The following PWWP3B variants were observed in gnomAD, a reference collection of about 807,000 sequenced individuals.
PWWP3B encodes PWWP domain-containing DNA repair factor 3B.
Under a neutral mutation model 15.7 loss-of-function variants are expected in PWWP3B, and 5 were observed. That is an observed-to-expected ratio of 0.32 (90% CI 0.17 to 0.67). The LOEUF (loss-of-function observed/expected upper bound fraction) is 0.67. Among genes scored for constraint, PWWP3B ranks in the 30% least tolerant of loss-of-function variants. The pLI is 0.74. For missense variants in PWWP3B, 519 were observed against 493.1 expected (o/e 1.05, Z -0.50); for synonymous variants, 203 against 179.8 (o/e 1.13, Z -1.03).
chrX:106,187,317 TTTTATTCCTTTAAAAAATGTTTCCCA>T (rs1251121908), intron 2 of PWWP3B, among the ~76,000 whole-genome samples: 1 of 112,014 alleles, frequency 8.9e-6, no homozygotes, highest in African/African-American at 3.2e-5. Context: ...CTTGTTTCCA[TTTTATTCCTTTAAAAAATGTTTCCCA>T]TTCCATCATC....
At chrX:106,190,991 T>A (rs1360229136) in intron 2 of PWWP3B, among the ~76,000 whole-genome samples, 1 of 111,427 alleles carries the variant, frequency 9.0e-6, no homozygotes, top group Non-Finnish European at 1.9e-5. Flanking sequence ...TGCCTCCAGC[T>A]TTGTTCTTTT....
chrX:106,178,885 G>A (rs1290535376), intron 2 of PWWP3B, among the ~76,000 whole-genome samples: 1 of 111,303 alleles, frequency 9.0e-6, no homozygotes, highest in Admixed American at 9.6e-5. Flanking sequence ...TCTGCAATCC[G>A]ACCATTGGAG....
At chrX:106,201,241 A>G (rs1021229968) in intron 2 of PWWP3B, among the ~76,000 whole-genome samples, 27 of 111,709 alleles carry the variant, frequency 2.4e-4, no homozygotes, top group Non-Finnish European at 4.9e-4. Flanking sequence ...ATAAAAGTAG[A>G]GACGTACCAT....
intron 2 of PWWP3B, among the ~76,000 whole-genome samples, chrX:106,185,055 G>T (rs1226791117): frequency 3.6e-5 from 4 of 111,955 alleles, no homozygotes; most frequent in South Asian, 3.8e-4. Flanking sequence ...TCAATGAAAA[G>T]AAAGCTTGGG....
chrX:106,206,890 G>C lies in PWWP3B; in HGVS notation c.1458G>C (p.Thr486=). The C allele has an allele frequency of 8.3e-7, 1 of 1,210,693 alleles. No homozygotes were observed. Among genetic ancestry groups the C allele is most frequent in the Non-Finnish European group, 1.1e-6 (1 of 895,049 alleles). The change falls in exon 4 of 4, where the codon ACG becomes ACC. Residue 486 remains threonine, a synonymous_variant. Transcript: ENST00000357175. ...YRVRIGCGSF[T]GSLLEYYAAD... ...TTAGAATAGGTTGTGGTTCTTTCAC[G>C]GGCTCTTTGCTTGAGTATTATGCTG... is the stretch of plus-strand genomic sequence containing the variant.
intron 2 of PWWP3B, among the ~76,000 whole-genome samples, chrX:106,201,987 A>G (rs1367544784): frequency 2.7e-5 from 3 of 112,002 alleles, no homozygotes; most frequent in African/African-American, 9.7e-5. Context: ...ACAGCCTCTA[A>G]ATTAAGGCTT....
intron 3 of PWWP3B, among the ~76,000 whole-genome samples, 161 bp from the exon 4 acceptor site, chrX:106,205,058 C>T (rs924717570): frequency 6.3e-5 from 7 of 110,267 alleles, no homozygotes; most frequent in Non-Finnish European, 1.3e-4. Context: ...TTTTTTTCCA[C>T]CCCTCCCCCC....
chrX:106,188,079 A>G (rs961621375), intron 2 of PWWP3B, among the ~76,000 whole-genome samples: 6 of 111,249 alleles, frequency 5.4e-5, no homozygotes, highest in Admixed American at 9.6e-5. Context: ...GTGTGGTTAG[A>G]GACTCTGCCA....
chrX:106,182,052 T>G (rs930574769), intron 2 of PWWP3B, among the ~76,000 whole-genome samples: 1 of 111,594 alleles, frequency 9.0e-6, no homozygotes, highest in African/African-American at 3.3e-5. Flanking sequence ...TATCCCTGAC[T>G]GGTCAGTGTA....
At chrX:106,191,752 G>A (rs778941223) in intron 2 of PWWP3B, among the ~76,000 whole-genome samples, 36 of 111,181 alleles carry the variant, frequency 3.2e-4, no homozygotes, top group African/African-American at 1.2e-3. Flanking sequence ...TAGCATGAAG[G>A]GTTGTTGAAT....
intron 2 of PWWP3B, chrX:106,177,222 A>C (rs1260240118): frequency 8.9e-6 from 1 of 112,612 alleles, no homozygotes; most frequent in African/African-American, 3.2e-5. Context: ...CTTCCCTTTG[A>C]GGGAAAGGTC....
At chrX:106,193,955 T>C (rs981709339) in intron 2 of PWWP3B, among the ~76,000 whole-genome samples, 1 of 111,993 alleles carries the variant, frequency 8.9e-6, no homozygotes, top group Admixed American at 9.5e-5. Context: ...TCACCTTTCT[T>C]TCTGGCTGCC....
chrX:106,171,937 T>C (rs1481436747), intron 2 of PWWP3B, among the ~76,000 whole-genome samples: 1 of 109,844 alleles, frequency 9.1e-6, no homozygotes, highest in African/African-American at 3.3e-5. Flanking sequence ...ACGATTAACA[T>C]TTTTTTTTCT....
At chrX:106,179,272 G>A (rs186726988) in intron 2 of PWWP3B, among the ~76,000 whole-genome samples, 1 of 112,057 alleles carries the variant, frequency 8.9e-6, no homozygotes, top group Non-Finnish European at 1.9e-5. Flanking sequence ...CTGCTACATA[G>A]TCTGCCCCAT....
In PWWP3B at chrX:106,206,101, A is replaced by T; in HGVS notation, c.669A>T (p.Ala223=). 1 of 1,211,335 alleles carries T rather than the reference A, an allele frequency of 8.3e-7. No homozygotes were observed. Among genetic ancestry groups the T allele is most frequent in the Non-Finnish European group, 1.1e-6 (1 of 895,085 alleles). ...CAGCAGTTATGTCTGTGCATTCTGC[A>T]GTCAAAGAGGAAAGTGCATGTGTTA... The part of the protein sequence containing the change: ...DISAVMSVHS[A]VKEESACVKD... The change falls in exon 4 of 4, where the codon GCA becomes GCT. Residue 223 remains alanine, a synonymous_variant. Coordinates refer to ENST00000357175, the MANE Select transcript of PWWP3B (RefSeq NM_001171020.2).
Position 106,207,214 on chromosome X carries a change from C to G in PWWP3B, c.1782C>G (p.Pro594=). 1 of 1,209,116 alleles carries G rather than the reference C, an allele frequency of 8.3e-7. No homozygotes were observed. Among genetic ancestry groups the G allele is most frequent in the African/African-American group, 1.7e-5 (1 of 57,844 alleles). Residue 594 remains proline (P), a synonymous_variant, in exon 4 of 4, where the codon CCC becomes CCG. Transcript: ENST00000357175. ...KSFLNANRFT[P]CIETYFEDED... ...TTTTGAATGCAAATAGGTTCACACC[C>G]TGTATTGAAACATACTTTGAGGATG...
At chrX:106,188,392 C>A (rs1310844941) in intron 2 of PWWP3B, among the ~76,000 whole-genome samples, 3 of 111,553 alleles carry the variant, frequency 2.7e-5, no homozygotes, top group Non-Finnish European at 5.6e-5. Flanking sequence ...CCTTCTTTGG[C>A]AATCATTGAT....
intron 2 of PWWP3B, among the ~76,000 whole-genome samples, chrX:106,174,167 G>T (rs779668479): frequency 2.7e-5 from 3 of 111,723 alleles, no homozygotes; most frequent in African/African-American, 9.8e-5. Flanking sequence ...AACGCAGACA[G>T]TTTTCTTTTA....
At chrX:106,180,006 A>T (rs1922105191) in intron 2 of PWWP3B, among the ~76,000 whole-genome samples, 1 of 111,341 alleles carries the variant, frequency 9.0e-6, no homozygotes, top group Non-Finnish European at 1.9e-5. Context: ...TGGCCGTGGC[A>T]GCCATTATGA....
Sources: gnomAD v4.1 joint callset for allele counts (sites outside exome capture counted in the v4.1 genomes callset) on GRCh38, gnomAD v4.1.1 for gene constraint, MANE v1.5 for transcripts, NCBI Gene and HGNC (gene_info 2026-07-23, HGNC 2026-07-21) for gene names.